SLIT2: variants seen among roughly 807,000 people sequenced by gnomAD.
The protein encoded by SLIT2 is slit guidance ligand 2.
A neutral mutation model predicts 185.7 loss-of-function variants in SLIT2; 41 were observed. The observed-to-expected ratio is 0.22, with a 90% CI of 0.17 to 0.29. The LOEUF is 0.29. SLIT2 is among the 10% of genes least tolerant of loss of function. SLIT2 has a pLI of 1.00. For missense variants in SLIT2, 1,571 were observed against 1,909.0 expected, an observed-to-expected ratio of 0.82 and a Z score of 3.30; for synonymous variants, 693 against 680.2, an observed-to-expected ratio of 1.02 and a Z score of -0.29.
intron 9 of SLIT2, among the ~76,000 whole-genome samples, chr4:20,498,447 A>C (rs1718428601): frequency 6.6e-6 from 1 of 152,246 alleles, no homozygotes; most frequent in Non-Finnish European, 1.5e-5. Flanking sequence ...GATTCTGACT[A>C]TCAAATCTTA....
At chr4:20,309,895 G>A (rs990334850) in intron 4 of SLIT2, among the ~76,000 whole-genome samples, 4 of 151,614 alleles carry the variant, frequency 2.6e-5, no homozygotes, top group Non-Finnish European at 4.4e-5. Context: ...GAGTAGCTGG[G>A]ACTACAGGCG....
chr4:20,499,796 C>A (rs1469906573), intron 9 of SLIT2, among the ~76,000 whole-genome samples: 1 of 152,026 alleles, frequency 6.6e-6, no homozygotes, highest in Admixed American at 6.6e-5. Context: ...AGTCATCTGA[C>A]TTTTTATATG....
At chr4:20,444,326 C>G (rs780204254) in intron 4 of SLIT2, among the ~76,000 whole-genome samples, 2 of 152,048 alleles carry the variant, frequency 1.3e-5, no homozygotes, top group Non-Finnish European at 2.9e-5. Context: ...AGTGAACACC[C>G]TAATGTGTAA....
In SLIT2 at chr4:20,301,561, A is replaced by G. The variant is rs180805537; in HGVS notation, c.395+32680A>G. 2.6e-5 allele frequency among the ~76,000 whole-genome samples: 4 copies of G among 152,294 alleles called. No homozygotes were observed. In the East Asian group the frequency reaches 5.8e-4, roughly 22 times the overall value. Reference sequence around the variant, plus strand: ...ACTCCCTACTTTTAATTGAAGAGCTATGTAGTTAAATTATCATGTCATGAA... The same window carrying G: ...ACTCCCTACTTTTAATTGAAGAGCTGTGTAGTTAAATTATCATGTCATGAA... On this transcript the variant is annotated intron_variant, in intron 4 of 36. Transcript: ENST00000504154.
intron 4 of SLIT2, among the ~76,000 whole-genome samples, chr4:20,451,705 CA>C (rs1712496749): frequency 6.6e-6 from 1 of 152,094 alleles, no homozygotes; most frequent in Admixed American, 6.6e-5. Flanking sequence ...ACCTTTGTAA[CA>C]AATTGATTTA....
chr4:20,351,726 G>C (rs922720824), intron 4 of SLIT2, among the ~76,000 whole-genome samples: 4 of 152,154 alleles, frequency 2.6e-5, no homozygotes, highest in Admixed American at 6.5e-5. Context: ...ATGAAAGGAA[G>C]GCCCTGGGCT....
chr4:20,540,017 C>A (rs1054846803), intron 19 of SLIT2, among the ~76,000 whole-genome samples: 4 of 151,322 alleles, frequency 2.6e-5, no homozygotes, highest in East Asian at 3.9e-4. Flanking sequence ...CAGTGGCTCA[C>A]GTCTGTAATT....
chr4:20,275,374 C>G (rs747871972), intron 4 of SLIT2, among the ~76,000 whole-genome samples: 40 of 152,100 alleles, frequency 2.6e-4, no homozygotes, highest in Non-Finnish European at 5.6e-4. Flanking sequence ...ATACAATTTA[C>G]TTTCTGGGGA....
chr4:20,497,344 C>T (rs1379985199), intron 9 of SLIT2, among the ~76,000 whole-genome samples: 1 of 151,780 alleles, frequency 6.6e-6, no homozygotes, highest in Non-Finnish European at 1.5e-5. Context: ...TTCAATCATA[C>T]ATTTGCTTGA....
intron 4 of SLIT2, among the ~76,000 whole-genome samples, chr4:20,446,324 T>G (rs1222196398): frequency 6.6e-6 from 1 of 152,250 alleles, no homozygotes; most frequent in Admixed American, 6.5e-5. Flanking sequence ...CAGCTCAATG[T>G]GATGTTATAT....
intron 25 of SLIT2, among the ~76,000 whole-genome samples, chr4:20,551,181 T>C (rs1258173108): frequency 6.6e-6 from 1 of 152,204 alleles, no homozygotes; most frequent in Non-Finnish European, 1.5e-5. Context: ...ATGCTTTTTC[T>C]CTCATTATTA....
chr4:20,526,722 T>C (rs1343752566), intron 15 of SLIT2, among the ~76,000 whole-genome samples: 1 of 152,194 alleles, frequency 6.6e-6, no homozygotes, highest in Non-Finnish European at 1.5e-5. Context: ...ATGTCTTAAG[T>C]TTCAATTTAT....
At chr4:20,428,525 C>T (rs118103084) in intron 4 of SLIT2, among the ~76,000 whole-genome samples, 13 of 152,102 alleles carry the variant, frequency 8.5e-5, no homozygotes, top group East Asian at 1.9e-4. Flanking sequence ...GAAGATATGC[C>T]GAGATATACT....
intron 4 of SLIT2, among the ~76,000 whole-genome samples, chr4:20,379,412 T>C (rs776456451): frequency 1.3e-5 from 2 of 152,192 alleles, no homozygotes; most frequent in Non-Finnish European, 2.9e-5. Flanking sequence ...TTAGAGGATA[T>C]ATGTCGCCTT....
At chr4:20,485,995 G>T (rs1717199738) in intron 6 of SLIT2, among the ~76,000 whole-genome samples, 2 of 152,108 alleles carry the variant, frequency 1.3e-5, no homozygotes, top group Non-Finnish European at 2.9e-5. Flanking sequence ...TGTAGTAAAT[G>T]TTGAATAAAA....
At position 20,396,130 on chromosome 4, in the gene SLIT2, C is replaced by T. The variant is rs530187620; in HGVS notation, c.396-71622C>T. On this transcript the variant is annotated intron_variant, in intron 4 of 36. Coordinates refer to ENST00000504154, the MANE Select transcript of SLIT2 (RefSeq NM_004787.4). Reference sequence around the variant, plus strand: ...TAACAAAAACAAAATTGGATAATGGCATTGTTCTACCTTTATATCTCTGAT... The same window carrying T: ...TAACAAAAACAAAATTGGATAATGGTATTGTTCTACCTTTATATCTCTGAT... 7.2e-5 allele frequency among the ~76,000 whole-genome samples: 11 copies of T among 151,834 alleles called. No individual in the cohort carries two copies. The East Asian group carries it at 1.7e-3, about 24-fold the overall frequency.
intron 4 of SLIT2, among the ~76,000 whole-genome samples, chr4:20,438,418 C>T (rs543427372): frequency 3.9e-5 from 6 of 152,176 alleles, no homozygotes; most frequent in East Asian, 1.9e-4. Flanking sequence ...GTTTGTGTGG[C>T]GAAATTCCCA....
intron 9 of SLIT2, among the ~76,000 whole-genome samples, chr4:20,500,597 A>G (rs577544285): frequency 5.9e-5 from 9 of 152,202 alleles, no homozygotes; most frequent in Non-Finnish European, 1.2e-4. Flanking sequence ...CATACATAAT[A>G]AAAACCTTCT....
chr4:20,423,701 G>A (rs911538323), intron 4 of SLIT2, among the ~76,000 whole-genome samples: 6 of 151,936 alleles, frequency 3.9e-5, no homozygotes, highest in Admixed American at 2.6e-4. Flanking sequence ...TTTGTATACC[G>A]AATGACGGAA....
Sources: allele counts gnomAD v4.1 joint callset (sites outside exome capture counted in the v4.1 genomes callset), GRCh38; gene constraint gnomAD v4.1.1; transcripts MANE v1.5; gene names NCBI Gene and HGNC (gene_info 2026-07-23, HGNC 2026-07-21).